SLC7A11: variants seen among roughly 807,000 people sequenced by gnomAD.
SLC7A11 encodes the protein cystine/glutamate transporter.
In SLC7A11, 35 loss-of-function variants were observed where a neutral mutation model predicts 54.5. That is an observed-to-expected ratio of 0.64 (90% CI 0.49 to 0.85). The LOEUF is 0.85. Ranked by LOEUF, SLC7A11 falls within the 40% of genes least tolerant of loss-of-function variation. The pLI, the probability that SLC7A11 is intolerant of heterozygous loss-of-function variation, is 0.00. For synonymous variants in SLC7A11, 230 were observed against 225.2 expected, an observed-to-expected ratio of 1.02 and a Z score of -0.19; for missense variants, 583 against 618.1, an observed-to-expected ratio of 0.94 and a Z score of 0.60.
intron 11 of SLC7A11, chr4:138,178,167 G>C (rs1396311475): frequency 6.6e-6 from 1 of 152,012 alleles, no homozygotes; most frequent in Non-Finnish European, 1.5e-5. Flanking sequence ...ATAAAGTCTT[G>C]TTCCTCTCCC....
intron 4 of SLC7A11, among the ~76,000 whole-genome samples, chr4:138,219,666 G>A (rs1204514499): frequency 1.3e-5 from 2 of 151,872 alleles, no homozygotes; most frequent in Non-Finnish European, 2.9e-5. Flanking sequence ...AAGACTAAAG[G>A]GTTTTCTGTA....
At chr4:138,233,188 CTTTTTTT>C (rs34001412) in intron 2 of SLC7A11, among the ~76,000 whole-genome samples, 7 of 142,466 alleles carry the variant, frequency 4.9e-5, no homozygotes, top group Non-Finnish European at 7.6e-5. Context: ...TATCTAATTT[CTTTTTTT>C]TTTTTTTGAA....
At chr4:138,188,387 A>G (rs1736927547) in intron 6 of SLC7A11, among the ~76,000 whole-genome samples, 1 of 152,170 alleles carries the variant, frequency 6.6e-6, no homozygotes, top group South Asian at 2.1e-4. Flanking sequence ...ATTAAGCAAT[A>G]GCAAGTTGGT....
intron 7 of SLC7A11, 41 bp from the exon 8 acceptor site, chr4:138,183,346 A>G (rs1164807529): frequency 9.7e-6 from 13 of 1,345,646 alleles, no homozygotes; most frequent in African/African-American, 1.4e-5. Flanking sequence ...GCCTTGCCAG[A>G]AAGTGGAATA....
At chr4:138,205,734 C>T (rs1251136896) in intron 6 of SLC7A11, among the ~76,000 whole-genome samples, 1 of 151,988 alleles carries the variant, frequency 6.6e-6, no homozygotes, top group African/African-American at 2.4e-5. Context: ...ACAAAGGTAG[C>T]TTACGTGCAT....
chr4:138,168,120 T>A lies in SLC7A11; in HGVS notation c.*3836A>T, dbSNP rs1444301771. 6.6e-6 allele frequency: 1 copy of A among 152,126 alleles called. No homozygotes were observed. Among genetic ancestry groups the A allele is most frequent in the African/African-American group, 2.4e-5 (1 of 41,434 alleles). 9.4% of individuals were successfully genotyped at this position (152,126 alleles called of 1,614,324 possible). On this transcript the variant is annotated 3_prime_UTR_variant, in exon 12 of 12. Transcript: ENST00000280612. ...ACTCACATGGACAATGCAGATTTTG[T>A]GGGGGTAGAAGTGTACACAACTTTG...
At chr4:138,212,105 G>A (rs746114869) in intron 6 of SLC7A11, among the ~76,000 whole-genome samples, 7 of 151,780 alleles carry the variant, frequency 4.6e-5, no homozygotes, top group African/African-American at 1.5e-4. Flanking sequence ...ATTACACATC[G>A]TATGCATGCA....
chr4:138,169,599 C>T lies in SLC7A11; in HGVS notation c.*2357G>A, dbSNP rs1736356607. ...CAATTTGCCACTGTGAATATAAGCACATTAACCCCAGGAAGAGCCAAGAAC... is the reference window on the plus strand; with the variant it reads ...CAATTTGCCACTGTGAATATAAGCATATTAACCCCAGGAAGAGCCAAGAAC... On this transcript the variant is annotated 3_prime_UTR_variant, in exon 12 of 12. Transcript: ENST00000280612. 6.6e-6 allele frequency: 1 copy of T among 151,862 alleles called. No homozygotes were observed. Among genetic ancestry groups the T allele is most frequent in the African/African-American group, 2.4e-5 (1 of 41,330 alleles). 9.4% of individuals were successfully genotyped at this position (151,862 alleles called of 1,614,324 possible).
chr4:138,223,252 T>C lies in SLC7A11; in HGVS notation c.593A>G (p.Lys198Arg). 1 of 1,613,680 alleles carries C rather than the reference T, an allele frequency of 6.2e-7. No homozygotes were observed. Among genetic ancestry groups the C allele is most frequent in the Non-Finnish European group, 8.5e-7 (1 of 1,179,598 alleles). The change falls in exon 4 of 12, where the codon AAG (lysine) becomes AGG (arginine). Residue 198 changes from lysine to arginine, a missense_variant. Physicochemically the swap from Lys to Arg is conservative, Grantham distance 26 (BLOSUM62 2). Transcript: ENST00000280612. ...ARIQIFLTFC[K>R]LTAILIIIVP... Reference sequence around the variant, plus strand: ...TATAATTATCAGAATTGCTGTGAGCTTGCAAAAGGTTAAGAAAATCTGGAT... The same window carrying C: ...TATAATTATCAGAATTGCTGTGAGCCTGCAAAAGGTTAAGAAAATCTGGAT...
chr4:138,185,660 G>C (rs940690156), intron 6 of SLC7A11, among the ~76,000 whole-genome samples: 2 of 152,112 alleles, frequency 1.3e-5, no homozygotes, highest in African/African-American at 4.8e-5. Context: ...TGAGGCTGCT[G>C]ATCAGGCCAC....
At chr4:138,234,920 T>A (rs1466503577) in intron 2 of SLC7A11, among the ~76,000 whole-genome samples, 1 of 152,242 alleles carries the variant, frequency 6.6e-6, no homozygotes, top group African/African-American at 2.4e-5. Context: ...ACACAATATA[T>A]TGTAACTTTA....
intron 6 of SLC7A11, among the ~76,000 whole-genome samples, chr4:138,206,714 AT>A (rs1282524185): frequency 6.6e-6 from 1 of 151,890 alleles, no homozygotes; most frequent in South Asian, 2.1e-4. Context: ...GGCAAAATGT[AT>A]TTTTTATGCA....
chr4:138,197,559 C>T (rs559023536), intron 6 of SLC7A11, among the ~76,000 whole-genome samples: 144 of 152,080 alleles, frequency 9.5e-4, no homozygotes, highest in African/African-American at 3.3e-3. Context: ...TATACATGGA[C>T]TATATCTTTA....
intron 2 of SLC7A11, among the ~76,000 whole-genome samples, chr4:138,233,388 A>G (rs1738129368): frequency 6.6e-6 from 1 of 151,920 alleles, no homozygotes; most frequent in South Asian, 2.1e-4. Flanking sequence ...GTCTCACCAT[A>G]TTGGTCAGGC....
At chr4:138,212,357 A>G (rs1460999971) in intron 6 of SLC7A11, among the ~76,000 whole-genome samples, 1 of 151,966 alleles carries the variant, frequency 6.6e-6, no homozygotes, top group Admixed American at 6.6e-5. Flanking sequence ...CAGTAATAGT[A>G]GTAATGACAA....
At chr4:138,229,480 G>C (rs1472179350) in intron 3 of SLC7A11, among the ~76,000 whole-genome samples, 1 of 152,064 alleles carries the variant, frequency 6.6e-6, no homozygotes, top group African/African-American at 2.4e-5. Context: ...GCTTGCAAAA[G>C]GAACATCAAA....
intron 6 of SLC7A11, among the ~76,000 whole-genome samples, chr4:138,197,783 G>C (rs1057416477): frequency 6.6e-6 from 1 of 151,648 alleles, no homozygotes; most frequent in African/African-American, 2.4e-5. Context: ...GATTAAAAAA[G>C]AGTATTACAA....
rs76438698 is a variant in SLC7A11 at position 138,221,152 on chromosome 4, A to T, written c.647-1787T>A. Among the ~76,000 whole-genome samples, 1,461 of 152,290 alleles carry T rather than the reference A, an allele frequency of 9.6e-3. 39 individuals carry two copies. The highest frequency in any genetic ancestry group is 0.033 in the African/African-American group (1,375 of 41,562). The stretch of plus-strand genomic sequence containing the variant: ...CAGCACCAAATAATCCATAAGAAAA[A>T]CCAAATTCTATAAAGACTGGGTCAC... On this transcript the variant is annotated intron_variant, in intron 4 of 11. Transcript: ENST00000280612.
intron 3 of SLC7A11, among the ~76,000 whole-genome samples, chr4:138,226,450 T>TA (rs1388624540): frequency 6.6e-6 from 1 of 152,156 alleles, no homozygotes; most frequent in Non-Finnish European, 1.5e-5. Context: ...AAAGGGTTCT[T>TA]AAAACCCTGC....
Sources: gnomAD v4.1 joint callset for allele counts (sites outside exome capture counted in the v4.1 genomes callset) on GRCh38, gnomAD v4.1.1 for gene constraint, MANE v1.5 for transcripts, NCBI Gene and HGNC (gene_info 2026-07-23, HGNC 2026-07-21) for gene names.